The following TMEM39A variants were observed in gnomAD, a reference collection of about 807,000 sequenced individuals.
TMEM39A encodes the protein transmembrane protein 39A.
In TMEM39A, 19 loss-of-function variants were observed where a neutral mutation model predicts 51.9. The ratio of observed to expected loss-of-function variants is 0.37; its 90% confidence interval spans 0.26 to 0.54. The LOEUF is 0.54. Among genes scored for constraint, TMEM39A ranks in the 20% least tolerant of loss-of-function variants. TMEM39A has a pLI of 0.88. For synonymous variants in TMEM39A, 197 were observed against 220.2 expected, an observed-to-expected ratio of 0.89 and a Z score of 0.93; for missense variants, 433 against 590.5, an observed-to-expected ratio of 0.73 and a Z score of 2.76.
At chr3:119,451,244 T>A (rs2081193701) in intron 4 of TMEM39A, 18 of 1,285,474 alleles carry the variant, frequency 1.4e-5, no homozygotes, top group Non-Finnish European at 1.8e-5. Flanking sequence ...GGTTTTCAGA[T>A]CTTGACTTAG....
chr3:119,448,688 C>A (rs1300273446), intron 4 of TMEM39A, among the ~76,000 whole-genome samples: 3 of 152,174 alleles, frequency 2.0e-5, no homozygotes, highest in Non-Finnish European at 4.4e-5. Flanking sequence ...TACCTTCATG[C>A]CAATTTACCT....
chr3:119,439,929 G>A (rs542995787), intron 5 of TMEM39A, among the ~76,000 whole-genome samples: 4 of 152,098 alleles, frequency 2.6e-5, no homozygotes, highest in South Asian at 4.2e-4. Flanking sequence ...CATTACACGC[G>A]GCTAATTATT....
intron 7 of TMEM39A, chr3:119,435,300 T>C (rs1232220453): frequency 1.1e-5 from 11 of 985,266 alleles, no homozygotes; most frequent in East Asian, 1.1e-4. Flanking sequence ...AATTAGCACA[T>C]TGTCAATCTA....
chr3:119,460,681 G>A (rs1206732337), intron 2 of TMEM39A, among the ~76,000 whole-genome samples: 1 of 152,074 alleles, frequency 6.6e-6, no homozygotes, highest in Non-Finnish European at 1.5e-5. Flanking sequence ...TAATTATCTA[G>A]AGGAATCCTC....
chr3:119,454,278 G>C (rs1054402142), intron 3 of TMEM39A, among the ~76,000 whole-genome samples: 9 of 152,150 alleles, frequency 5.9e-5, no homozygotes, highest in Admixed American at 1.3e-4. Context: ...TTTAGAGATA[G>C]TACAGCCAGA....
rs1268467747 is a variant in TMEM39A, at chr3:119,463,335, C to G, written c.-75+1G>C. On this transcript the variant is annotated splice_donor_variant, in intron 1 of 8. Coordinates refer to ENST00000319172, the MANE Select transcript of TMEM39A (RefSeq NM_018266.3). LOFTEE classifies it low-confidence loss of function (5UTR_SPLICE). ...CCTTGGGGCAGCTCAGTAATACTCA[C>G]GCATGGAAGAGTCCCAGCCGGTGGG... The G allele has an allele frequency of 2.8e-6, 1 of 362,844 alleles. No individual in the cohort carries two copies. The highest frequency in any genetic ancestry group is 2.1e-5 in the African/African-American group (1 of 47,778). 22.5% of individuals were successfully genotyped at this position (362,844 alleles called of 1,614,324 possible).
intron 4 of TMEM39A, among the ~76,000 whole-genome samples, chr3:119,448,259 C>T (rs572008828): frequency 4.8e-4 from 73 of 152,268 alleles, no homozygotes; most frequent in Non-Finnish European, 8.7e-4. Context: ...TCAAAACTTA[C>T]TCTGCAATGC....
chr3:119,459,772 C>G (rs1009418078), intron 2 of TMEM39A, among the ~76,000 whole-genome samples: 1 of 152,150 alleles, frequency 6.6e-6, no homozygotes, highest in Admixed American at 6.5e-5. Context: ...GACAAATTCT[C>G]TCCTCTCCAG....
chr3:119,437,230 G>A (rs1354728991), intron 6 of TMEM39A, among the ~76,000 whole-genome samples: 2 of 152,204 alleles, frequency 1.3e-5, no homozygotes, highest in Non-Finnish European at 2.9e-5. Context: ...GAAGAACTGA[G>A]TGTTCTCTGA....
intron 3 of TMEM39A, among the ~76,000 whole-genome samples, chr3:119,455,087 TAATA>T (rs2081247665): frequency 6.6e-6 from 1 of 152,156 alleles, no homozygotes; most frequent in South Asian, 2.1e-4. Context: ...AATAAAAACC[TAATA>T]AATAAATCTG....
rs148824562 is a variant in TMEM39A at position 119,439,822 on chromosome 3, C to T, written c.576-1719G>A. 2.6e-5 allele frequency among the ~76,000 whole-genome samples: 4 copies of T among 151,772 alleles called. No individual in the cohort carries two copies. In the East Asian group the frequency reaches 5.8e-4, roughly 22 times the overall value. On this transcript the variant is annotated intron_variant, in intron 5 of 8. Coordinates refer to ENST00000319172, the MANE Select transcript of TMEM39A (RefSeq NM_018266.3). ...TTACTCTGTCACCCAGACTGGAGTA[C>T]AGTAGCGAGATTACGGCTCACTGAA... is the stretch of plus-strand genomic sequence containing the variant.
intron 3 of TMEM39A, among the ~76,000 whole-genome samples, chr3:119,455,309 G>C (rs2081250239): frequency 6.6e-6 from 1 of 152,148 alleles, no homozygotes; most frequent in South Asian, 2.1e-4. Context: ...GCTCCTTTCA[G>C]ATTCATGGGC....
rs2081102564 is a variant in TMEM39A, at chr3:119,444,903, GTC to G, written c.575+2113_575+2114del. ...AGCCTGGGCAACATGGTAAAATCCT[GTC>G]TCTACAAAACAAAACAAAACAAAAA... On this transcript the variant is annotated intron_variant, in intron 5 of 8. Coordinates refer to ENST00000319172, the MANE Select transcript of TMEM39A (RefSeq NM_018266.3). Among the ~76,000 whole-genome samples, 12 of 152,204 alleles carry G rather than the reference GTC, an allele frequency of 7.9e-5. No homozygotes were observed. The South Asian group carries it at 2.5e-3, about 32-fold the overall frequency.
rs567979806 is a variant in TMEM39A, at chr3:119,458,538, TCCTGA to T, written c.114-303_114-299del. 2.9e-4 allele frequency among the ~76,000 whole-genome samples: 44 copies of T among 152,324 alleles called. No homozygotes were observed. The East Asian group carries it at 5.2e-3, about 18-fold the overall frequency. On this transcript the variant is annotated intron_variant, in intron 2 of 8. Transcript: ENST00000319172. Reference sequence around the variant, plus strand: ...ATCTCTGTGTTCTTCCCTCCTATAGTCCTGACCTTAGTTCATGGCCCACTCAGTTA... The same window carrying T: ...ATCTCTGTGTTCTTCCCTCCTATAGTCCTTAGTTCATGGCCCACTCAGTTA...
chr3:119,462,633 A>AGGGGGGGGGG (rs1200172060), intron 1 of TMEM39A, among the ~76,000 whole-genome samples: 9 of 2,260 alleles, frequency 4.0e-3, no homozygotes, highest in African/African-American at 7.5e-3. Context: ...TGTTTCTTCA[A>AGGGGGGGGGG]GGGGGGGGGG....
chr3:119,445,059 G>A (rs1418966794), intron 5 of TMEM39A, among the ~76,000 whole-genome samples: 1 of 151,594 alleles, frequency 6.6e-6, no homozygotes, highest in Non-Finnish European at 1.5e-5. Context: ...CCGCCTGGAT[G>A]ACAGAGCAAA....
intron 7 of TMEM39A, chr3:119,436,514 T>C (rs769892332): frequency 7.4e-5 from 22 of 297,442 alleles, no homozygotes; most frequent in Non-Finnish European, 1.1e-4. Flanking sequence ...AGGGGTAAGA[T>C]TGAAAGAGAA....
intron 5 of TMEM39A, among the ~76,000 whole-genome samples, chr3:119,441,355 A>C (rs2081050870): frequency 6.6e-6 from 1 of 152,144 alleles, no homozygotes; most frequent in African/African-American, 2.4e-5. Context: ...AAGGAAATTA[A>C]AAGTGCTACT....
At chr3:119,436,760 GTTACATGGT>G in intron 7 of TMEM39A, 22 bp downstream of exon 7, 1 of 1,573,376 alleles carries the variant, frequency 6.4e-7, no homozygotes. Context: ...TGTAGAAAGT[GTTACATGGT>G]TTTACCCTCT....
Sources: allele counts gnomAD v4.1 joint callset (sites outside exome capture counted in the v4.1 genomes callset), GRCh38; gene constraint gnomAD v4.1.1; transcripts MANE v1.5; gene names NCBI Gene and HGNC (gene_info 2026-07-23, HGNC 2026-07-21).